ABCC4: variants seen among roughly 807,000 people sequenced by gnomAD.
The protein encoded by ABCC4 is ATP-binding cassette sub-family C member 4.
A neutral mutation model predicts 168.5 loss-of-function variants in ABCC4; 102 were observed. The ratio of observed to expected loss-of-function variants is 0.61; its 90% confidence interval spans 0.52 to 0.71. The LOEUF (loss-of-function observed/expected upper bound fraction) is 0.71, where lower values mean the gene tolerates loss of function less well. Among genes scored for constraint, ABCC4 ranks in the 30% least tolerant of loss-of-function variants. ABCC4 has a pLI of 0.00. For missense variants in ABCC4, 1,402 were observed against 1,605.8 expected, an observed-to-expected ratio of 0.87 and a Z score of 2.17; for synonymous variants, 617 against 590.7, an observed-to-expected ratio of 1.04 and a Z score of -0.65.
At chr13:95,146,215 A>C in intron 19 of ABCC4, among the ~76,000 whole-genome samples, 1 of 151,934 alleles carries the variant, frequency 6.6e-6, no homozygotes. Flanking sequence ...TCTCAAAAAA[A>C]AAAAAAAAAA....
In ABCC4 at chr13:95,299,382, T is replaced by C. The variant is rs983401519; in HGVS notation, c.74+1859A>G. On this transcript the variant is annotated intron_variant, in intron 1 of 30. Transcript: ENST00000645237. ...TATTCCTTCCTCCTCCACGTGCCCC[T>C]CTCCTTAAGAGAAAGGCCGCCAAAC... Among the ~76,000 whole-genome samples, 3 of 151,166 alleles carry C rather than the reference T, an allele frequency of 2.0e-5. No individual in the cohort carries two copies. The East Asian group carries it at 5.9e-4, about 30-fold the overall frequency.
intron 9 of ABCC4, among the ~76,000 whole-genome samples, chr13:95,191,895 C>G (rs1437124447): frequency 6.6e-6 from 1 of 152,208 alleles, no homozygotes; most frequent in Non-Finnish European, 1.5e-5. Context: ...TCTGCCCCGC[C>G]GGGAGGCCTG....
intron 10 of ABCC4, 68 bp downstream of exon 10, chr13:95,188,385 G>A: frequency 7.0e-7 from 1 of 1,435,126 alleles, no homozygotes; most frequent in Non-Finnish European, 9.8e-7. Flanking sequence ...GTAGCCTTGG[G>A]CTCAAACCCA....
At chr13:95,133,983 A>G (rs565698517) in intron 19 of ABCC4, among the ~76,000 whole-genome samples, 6 of 152,346 alleles carry the variant, frequency 3.9e-5, no homozygotes, top group African/African-American at 1.2e-4. Context: ...ATGAATATGA[A>G]TGAAATGCCA....
chr13:95,252,679 A>C (rs929363606), intron 1 of ABCC4, among the ~76,000 whole-genome samples: 1 of 152,156 alleles, frequency 6.6e-6, no homozygotes, highest in Non-Finnish European at 1.5e-5. Flanking sequence ...TCTCAAAAAC[A>C]AAACAAACAA....
intron 11 of ABCC4, among the ~76,000 whole-genome samples, chr13:95,178,789 C>T (rs2037796649): frequency 6.6e-6 from 1 of 152,118 alleles, no homozygotes; most frequent in South Asian, 2.1e-4. Context: ...ATGATCTGAT[C>T]AAGGCAATAA....
chr13:95,163,756 G>A (rs1479655075), intron 16 of ABCC4, 109 bp from the exon 17 acceptor site: 1 of 914,808 alleles, frequency 1.1e-6, no homozygotes, highest in African/African-American at 1.7e-5. Context: ...TCAAAGCCGG[G>A]CGTGGTGGCT....
At chr13:95,137,156 TG>T (rs748648313) in intron 19 of ABCC4, among the ~76,000 whole-genome samples, 6 of 152,172 alleles carry the variant, frequency 3.9e-5, no homozygotes, top group Non-Finnish European at 5.9e-5. Context: ...CAACAAGCAG[TG>T]GAAGTAGGAA....
At chr13:95,237,750 T>C (rs149088860) in intron 3 of ABCC4, among the ~76,000 whole-genome samples, 40 of 152,230 alleles carry the variant, frequency 2.6e-4, no homozygotes, top group Non-Finnish European at 1.0e-4. Context: ...GCACTTCAGA[T>C]ATTCCTTGCC....
chr13:95,158,957 C>T (rs2139534309), intron 19 of ABCC4, among the ~76,000 whole-genome samples: 1 of 151,132 alleles, frequency 6.6e-6, no homozygotes, highest in South Asian at 2.1e-4. Context: ...GTGACACAGG[C>T]CTGTGGTCCC....
intron 19 of ABCC4, among the ~76,000 whole-genome samples, chr13:95,119,520 T>C (rs1297692501): frequency 3.3e-5 from 5 of 152,186 alleles, no homozygotes; most frequent in Non-Finnish European, 5.9e-5. Flanking sequence ...TTCCACAACA[T>C]AGAATATTAT....
intron 3 of ABCC4, among the ~76,000 whole-genome samples, chr13:95,243,316 C>G (rs112761266): frequency 1.3e-5 from 2 of 152,224 alleles, no homozygotes; most frequent in African/African-American, 4.8e-5. Context: ...ACACCCACTT[C>G]ACGATTCAGG....
At chr13:95,052,071 C>A (rs1566373638) in intron 27 of ABCC4, among the ~76,000 whole-genome samples, 1 of 152,054 alleles carries the variant, frequency 6.6e-6, no homozygotes, top group Non-Finnish European at 1.5e-5. Flanking sequence ...ACCTTGGCCT[C>A]CCAGGTTCAA....
chr13:95,203,871 T>G (rs1266865624), intron 8 of ABCC4, among the ~76,000 whole-genome samples: 5 of 152,170 alleles, frequency 3.3e-5, no homozygotes. Flanking sequence ...AACTCGAGTC[T>G]GCTTCCTCGC....
intron 8 of ABCC4, among the ~76,000 whole-genome samples, chr13:95,199,720 C>A (rs985241208): frequency 3.3e-5 from 5 of 152,104 alleles, no homozygotes; most frequent in African/African-American, 1.2e-4. Context: ...AGCCTCCTGA[C>A]GTATCTCCCT....
chr13:95,036,612 T>C (rs2032132442), intron 29 of ABCC4, among the ~76,000 whole-genome samples: 1 of 152,194 alleles, frequency 6.6e-6, no homozygotes, highest in East Asian at 1.9e-4. Context: ...TTAAGCCTTA[T>C]AAATATCAAC....
chr13:95,263,453 G>A (rs971544723), intron 1 of ABCC4, among the ~76,000 whole-genome samples: 4 of 152,102 alleles, frequency 2.6e-5, no homozygotes, highest in Non-Finnish European at 5.9e-5. Context: ...TAAATAATAT[G>A]TGTTGATCTG....
chr13:95,299,109 A>T (rs1214722575), intron 1 of ABCC4, among the ~76,000 whole-genome samples: 1 of 151,586 alleles, frequency 6.6e-6, no homozygotes, highest in Non-Finnish European at 1.5e-5. Flanking sequence ...ATTTTTTTTT[A>T]TTATCCGGGC....
intron 22 of ABCC4, 92 bp from the exon 23 acceptor site, chr13:95,074,416 G>A: frequency 1.0e-6 from 1 of 994,392 alleles, no homozygotes; most frequent in Admixed American, 2.5e-5. Flanking sequence ...TTTTTACGTG[G>A]AGTAGGGCAC....
Sources: allele counts gnomAD v4.1 joint callset (sites outside exome capture counted in the v4.1 genomes callset), GRCh38; gene constraint gnomAD v4.1.1; transcripts MANE v1.5; gene names NCBI Gene and HGNC (gene_info 2026-07-23, HGNC 2026-07-21).